Variants in APLP2 observed in about 807,000 individuals in gnomAD.
APLP2 encodes the protein CDEI box-binding protein.
Under a neutral mutation model 89.9 loss-of-function variants are expected in APLP2, and 53 were observed. That is an observed-to-expected ratio of 0.59 (90% confidence interval 0.47 to 0.74). APLP2 has a LOEUF of 0.74. Ranked by LOEUF, APLP2 falls within the 30% of genes least tolerant of loss-of-function variation. The pLI is 0.00. For synonymous variants in APLP2, 372 were observed against 348.6 expected, an observed-to-expected ratio of 1.07 and a Z score of -0.75; for missense variants, 973 against 975.9, an observed-to-expected ratio of 1.00 and a Z score of 0.04.
chr11:130,095,570 G>GT (rs1946084699), intron 1 of APLP2, among the ~76,000 whole-genome samples: 1 of 152,264 alleles, frequency 6.6e-6, no homozygotes, highest in Admixed American at 6.5e-5. Flanking sequence ...TGGAAGCACA[G>GT]TCTCTGCAGA....
chr11:130,126,825 G>T lies in APLP2; in HGVS notation c.1216G>T (p.Asp406Tyr), dbSNP rs1405880823. Residue 406 changes from aspartate to tyrosine, a missense_variant, in exon 8 of 17, where the codon GAC becomes TAC. Transcript: ENST00000338167. ...QLEIRHRNRMDRVKKEWEEAE... is the reference protein window; with the variant it reads ...QLEIRHRNRMYRVKKEWEEAE... ...GGAGATTCGGCACCGCAACCGAATG[G>T]ACAGGGTAAACCTTGACAATTTCTT... 6.2e-7 allele frequency: 1 copy of T among 1,614,060 alleles called. No individual in the cohort carries two copies. The highest frequency in any genetic ancestry group is 8.5e-7 in the Non-Finnish European group (1 of 1,180,042).
At chr11:130,125,757 T>C (rs1476245449) in intron 7 of APLP2, among the ~76,000 whole-genome samples, 1 of 152,244 alleles carries the variant, frequency 6.6e-6, no homozygotes, top group Non-Finnish European at 1.5e-5. Flanking sequence ...AATTGTGTCA[T>C]AATCTATCAA....
intron 4 of APLP2, among the ~76,000 whole-genome samples, chr11:130,121,210 C>CT (rs1397978337): frequency 1.1e-4 from 16 of 152,260 alleles, no homozygotes; most frequent in African/African-American, 3.1e-4. Flanking sequence ...AAGAAGTACC[C>CT]TTTCTTGTCT....
At chr11:130,103,529 C>T (rs1396433182) in intron 1 of APLP2, among the ~76,000 whole-genome samples, 1 of 152,014 alleles carries the variant, frequency 6.6e-6, no homozygotes, top group Non-Finnish European at 1.5e-5. Flanking sequence ...AGCACAGAGC[C>T]GAAATGCACT....
In APLP2 at chr11:130,135,704, C is replaced by T. The variant is rs761119783; in HGVS notation, c.1826C>T (p.Pro609Leu). Residue 609 changes from proline (P) to leucine (L), a missense_variant, in exon 13 of 17, where the codon CCT (proline) becomes CTT (leucine). Pro to Leu is a moderately conservative substitution (Grantham distance 98). Coordinates refer to ENST00000338167, the MANE Select transcript of APLP2 (RefSeq NM_001142276.2). ...FHPFHPFPAL[P>L]ENEGSGVGEQ... ...CCCTTCCACCCCTTCCCAGCCCTAC[C>T]TGAGAACGAAGGTGTGTATGGGCGA... 4.3e-6 allele frequency: 7 copies of T among 1,614,110 alleles called. No individual in the cohort carries two copies. The South Asian group carries it at 6.6e-5, about 15-fold the overall frequency.
At chr11:130,092,049 T>G (rs1357159954) in intron 1 of APLP2, among the ~76,000 whole-genome samples, 17 of 97,108 alleles carry the variant, frequency 1.8e-4, no homozygotes, top group Non-Finnish European at 2.1e-4. Flanking sequence ...AGACGGGGTC[T>G]CGGCCGGGCA....
At chr11:130,124,905 C>T (rs1339685649) in intron 7 of APLP2, among the ~76,000 whole-genome samples, 1 of 152,220 alleles carries the variant, frequency 6.6e-6, no homozygotes, top group Non-Finnish European at 1.5e-5. Flanking sequence ...CTTTGTAAAA[C>T]TTGGACTGAA....
intron 1 of APLP2, among the ~76,000 whole-genome samples, chr11:130,094,440 C>T (rs1430853925): frequency 6.0e-5 from 9 of 151,184 alleles, no homozygotes; most frequent in Non-Finnish European, 1.2e-4. Context: ...CCACTCACCT[C>T]GGCCTCCCAA....
At chr11:130,101,706 A>G (rs757384097) in intron 1 of APLP2, among the ~76,000 whole-genome samples, 2 of 152,234 alleles carry the variant, frequency 1.3e-5, no homozygotes, top group African/African-American at 2.4e-5. Flanking sequence ...AAATACTACA[A>G]GAGTTCCCCT....
At chr11:130,070,520 C>G in intron 1 of APLP2, 1 of 1,243,208 alleles carries the variant, frequency 8.0e-7, no homozygotes, top group Non-Finnish European at 1.0e-6. Context: ...TCGCGCGGCA[C>G]CGGGGCCTCG....
At chr11:130,107,130 T>C (rs574147933) in intron 1 of APLP2, among the ~76,000 whole-genome samples, 7 of 152,254 alleles carry the variant, frequency 4.6e-5, no homozygotes, top group African/African-American at 9.6e-5. Context: ...CCCACTCTTA[T>C]ATCCTAAACA....
At chr11:130,133,945 G>A (rs553572056) in intron 12 of APLP2, among the ~76,000 whole-genome samples, 3 of 152,304 alleles carry the variant, frequency 2.0e-5, no homozygotes, top group African/African-American at 7.2e-5. Flanking sequence ...ATGGAGCCTC[G>A]GGCTTCACTG....
chr11:130,090,867 G>C (rs1944888758), intron 1 of APLP2, among the ~76,000 whole-genome samples: 1 of 150,700 alleles, frequency 6.6e-6, no homozygotes, highest in African/African-American at 2.4e-5. Context: ...TCACCTCCCG[G>C]ACGGGGCGGT....
At chr11:130,070,815 T>A in intron 1 of APLP2, 1 of 1,256,104 alleles carries the variant, frequency 8.0e-7, no homozygotes, top group Non-Finnish European at 1.0e-6. Flanking sequence ...TGTAAACTGT[T>A]GGAAAAATCG....
chr11:130,101,062 C>G (rs1349228805), intron 1 of APLP2, among the ~76,000 whole-genome samples: 2 of 152,202 alleles, frequency 1.3e-5, no homozygotes, highest in African/African-American at 2.4e-5. Flanking sequence ...TGTGGCATTT[C>G]TTACACATTA....
In APLP2 at chr11:130,144,474, C is replaced by T. The variant is rs3740882; in HGVS notation, c.*1026C>T. 6.4e-3 allele frequency: 977 copies of T among 152,406 alleles called. 10 individuals are homozygous for T. Among genetic ancestry groups the T allele is most frequent in the East Asian group, 0.048 (249 of 5,176 alleles). 9.4% of individuals were successfully genotyped at this position (152,406 alleles called of 1,614,324 possible). On this transcript the variant is annotated 3_prime_UTR_variant, in exon 17 of 17. Coordinates refer to ENST00000338167, the MANE Select transcript of APLP2 (RefSeq NM_001142276.2). ...GTGAAAGGAAAGTAGTCCAGGCTGT[C>T]CCTGAAACTGAGTCTGTGGACACTG...
chr11:130,074,616 C>T (rs951336849), intron 1 of APLP2, among the ~76,000 whole-genome samples: 5 of 152,110 alleles, frequency 3.3e-5, no homozygotes, highest in Admixed American at 3.3e-4. Context: ...AGTACATATT[C>T]ATTGTAAGAA....
chr11:130,091,308 G>A (rs1376629304), intron 1 of APLP2, among the ~76,000 whole-genome samples: 640 of 130,940 alleles, frequency 4.9e-3, no homozygotes, highest in African/African-American at 0.015. Context: ...GCGGCTGGCC[G>A]GGCGGGGGGC....
chr11:130,090,837 C>T (rs1405487261), intron 1 of APLP2, among the ~76,000 whole-genome samples: 4 of 151,824 alleles, frequency 2.6e-5, no homozygotes, highest in Non-Finnish European at 5.9e-5. Context: ...CCAGTAGGGG[C>T]GGCCGGGCAG....
Sources: allele counts gnomAD v4.1 joint callset (sites outside exome capture counted in the v4.1 genomes callset), GRCh38; gene constraint gnomAD v4.1.1; transcripts MANE v1.5; gene names NCBI Gene and HGNC (gene_info 2026-07-23, HGNC 2026-07-21).